GABRG3: variants seen among roughly 807,000 people sequenced by gnomAD.
GABRG3 encodes the protein gamma-aminobutyric acid receptor subunit gamma-3.
A neutral mutation model predicts 48.8 loss-of-function variants in GABRG3; 25 were observed. The observed-to-expected ratio is 0.51, with a 90% confidence interval of 0.37 to 0.72. GABRG3 has a LOEUF of 0.72. GABRG3 is among the 30% of genes least tolerant of loss of function. GABRG3 has a pLI of 0.00. For missense variants in GABRG3, 394 were observed against 577.9 expected, an observed-to-expected ratio of 0.68 and a Z score of 3.26; for synonymous variants, 227 against 217.6, an observed-to-expected ratio of 1.04 and a Z score of -0.38.
chr15:27,483,456 G>T (rs920469307), intron 6 of GABRG3, among the ~76,000 whole-genome samples: 4 of 152,138 alleles, frequency 2.6e-5, no homozygotes, highest in Admixed American at 2.0e-4. Flanking sequence ...TCTATTTCCA[G>T]ATAAGGTCAT....
At chr15:27,346,765 GT>G (rs1336958806) in intron 5 of GABRG3, among the ~76,000 whole-genome samples, 3 of 151,646 alleles carry the variant, frequency 2.0e-5, no homozygotes, top group Admixed American at 2.0e-4. Flanking sequence ...CCGTTACAGA[GT>G]TTTTCATTTA....
At chr15:27,409,621 C>CAA (rs531169851) in intron 5 of GABRG3, among the ~76,000 whole-genome samples, 1 of 151,598 alleles carries the variant, frequency 6.6e-6, no homozygotes, top group African/African-American at 2.4e-5. Context: ...TCTTATGTAG[C>CAA]AAAAAAAACT....
intron 5 of GABRG3, among the ~76,000 whole-genome samples, chr15:27,349,045 G>A (rs1894469846): frequency 6.6e-6 from 1 of 152,122 alleles, no homozygotes; most frequent in Non-Finnish European, 1.5e-5. Context: ...GGCAGTGGGA[G>A]GGGAGCATGG....
intron 3 of GABRG3, among the ~76,000 whole-genome samples, chr15:27,205,102 G>A (rs376946251): frequency 4.3e-4 from 65 of 151,856 alleles, no homozygotes; most frequent in East Asian, 2.9e-3. Context: ...GTTGAATAGC[G>A]GTGGCGAGAG....
intron 3 of GABRG3, among the ~76,000 whole-genome samples, chr15:27,097,040 C>T (rs12908392): frequency 0.25 from 36,662 of 145,066 alleles, 4,722 homozygotes; most frequent in Middle Eastern, 0.34. Context: ...TTAATAGAGA[C>T]AGGGTTTCAC....
intron 3 of GABRG3, among the ~76,000 whole-genome samples, chr15:27,124,513 G>C (rs1897784836): frequency 1.3e-5 from 2 of 152,208 alleles, no homozygotes; most frequent in South Asian, 4.1e-4. Flanking sequence ...GTGTGATCCG[G>C]GGAAATGGAG....
At chr15:27,398,663 C>T (rs950823709) in intron 5 of GABRG3, among the ~76,000 whole-genome samples, 9 of 150,670 alleles carry the variant, frequency 6.0e-5, no homozygotes, top group South Asian at 2.2e-4. Context: ...ATGACAAGCG[C>T]GCGCACACAC....
intron 3 of GABRG3, among the ~76,000 whole-genome samples, chr15:27,192,095 G>A (rs1403003636): frequency 5.3e-5 from 8 of 152,222 alleles, no homozygotes; most frequent in African/African-American, 1.9e-4. Context: ...CGAGAGATCC[G>A]CTTTAGTCTG....
chr15:27,516,352 C>T (rs569510332), intron 6 of GABRG3, among the ~76,000 whole-genome samples: 7 of 152,262 alleles, frequency 4.6e-5, no homozygotes, highest in African/African-American at 1.2e-4. Context: ...TTAAATGATA[C>T]GACAAAGAAA....
intron 1 of GABRG3, among the ~76,000 whole-genome samples, chr15:26,971,930 T>C (rs983025558): frequency 1.3e-5 from 2 of 152,030 alleles, no homozygotes; most frequent in African/African-American, 4.8e-5. Flanking sequence ...ACCTCAGCTG[T>C]TTCAGGGGCT....
intron 3 of GABRG3, among the ~76,000 whole-genome samples, chr15:27,183,700 C>T (rs2140418182): frequency 6.6e-6 from 1 of 152,316 alleles, no homozygotes; most frequent in South Asian, 2.1e-4. Flanking sequence ...TTGTATTATG[C>T]AAGAGGAATT....
rs547931775 is a variant in GABRG3 at position 27,532,649 on chromosome 15, T to C, written c.1172T>C (p.Leu391Ser). The change falls in exon 10 of 10, where the codon TTA (leucine) becomes TCA (serine). Residue 391 changes from leucine (L) to serine (S), a missense_variant. Leu to Ser is a moderately radical substitution (Grantham distance 145). Coordinates refer to ENST00000615808, the MANE Select transcript of GABRG3 (RefSeq NM_033223.5). ...CCACCACCAACTGCGATGATCACTTTAAACAATTCCGTTTACTGGCAGGAA... is the reference window on the plus strand; with the variant it reads ...CCACCACCAACTGCGATGATCACTTCAAACAATTCCGTTTACTGGCAGGAA... ...MRPPPTAMIT[L>S]NNSVYWQEFE... The C allele has an allele frequency of 9.3e-6, 15 of 1,614,038 alleles. No individual in the cohort carries two copies. The South Asian group carries it at 1.3e-4, about 14-fold the overall frequency.
At chr15:27,270,420 G>C (rs1891044989) in intron 3 of GABRG3, among the ~76,000 whole-genome samples, 1 of 152,188 alleles carries the variant, frequency 6.6e-6, no homozygotes, top group Non-Finnish European at 1.5e-5. Flanking sequence ...GTTCGACTCA[G>C]AAATCATAGC....
intron 3 of GABRG3, among the ~76,000 whole-genome samples, chr15:27,305,655 CAT>C (rs1247541700): frequency 1.7e-4 from 17 of 100,192 alleles, no homozygotes; most frequent in Admixed American, 3.3e-4. Flanking sequence ...TATATATAAA[CAT>C]ATATAATATA....
chr15:27,462,043 C>T (rs1263569833), intron 5 of GABRG3, among the ~76,000 whole-genome samples: 2 of 152,170 alleles, frequency 1.3e-5, no homozygotes, highest in Non-Finnish European at 2.9e-5. Flanking sequence ...TTCTCCTTTC[C>T]CTCATCTGCC....
At chr15:27,272,589 A>G (rs1891126774) in intron 3 of GABRG3, among the ~76,000 whole-genome samples, 2 of 152,222 alleles carry the variant, frequency 1.3e-5, no homozygotes, top group African/African-American at 4.8e-5. Context: ...GTCAGGGCTG[A>G]ATCATCCACA....
chr15:27,306,651 TATATATGA>T lies in GABRG3; in HGVS notation c.271-20156_271-20149del, dbSNP rs1566768676. On this transcript the variant is annotated intron_variant, in intron 3 of 9. Transcript: ENST00000615808. The stretch of plus-strand genomic sequence containing the variant: ...ATAAACATATATTTATATATAAACA[TATATATGA>T]ACATGTTTATATATAAACATATATA... Among the ~76,000 whole-genome samples the T allele has an allele frequency of 5.7e-3, 332 of 58,726 alleles. 2 individuals carry two copies. Among genetic ancestry groups the T allele is most frequent in the Middle Eastern group, 0.016 (1 of 62 alleles). 38.5% of individuals were successfully genotyped at this position (58,726 alleles called of 152,430 possible).
rs74462368 is a variant in GABRG3, at chr15:27,243,713, A to G, written c.271-83096A>G. Among the ~76,000 whole-genome samples, 1,183 of 152,280 alleles carry G rather than the reference A, an allele frequency of 7.8e-3. 17 individuals carry two copies. The highest frequency in any genetic ancestry group is 0.026 in the African/African-American group (1,073 of 41,558). On this transcript the variant is annotated intron_variant, in intron 3 of 9. Coordinates refer to ENST00000615808, the MANE Select transcript of GABRG3 (RefSeq NM_033223.5). ...TATGGTTTGGCCATTGTCTATTTGC[A>G]TATTCATTTTGTTAATACCAATTCA...
At chr15:27,449,953 A>G (rs543773544) in intron 5 of GABRG3, among the ~76,000 whole-genome samples, 4 of 152,342 alleles carry the variant, frequency 2.6e-5, no homozygotes, top group Admixed American at 6.5e-5. Flanking sequence ...ATAGGTGTAC[A>G]TATGTCACTC....
Sources: allele counts gnomAD v4.1 joint callset (sites outside exome capture counted in the v4.1 genomes callset), GRCh38; gene constraint gnomAD v4.1.1; transcripts MANE v1.5; gene names NCBI Gene and HGNC (gene_info 2026-07-23, HGNC 2026-07-21).